The following SOX5 variants were observed in gnomAD, a reference collection of about 807,000 sequenced individuals.
The protein encoded by SOX5 is transcription factor SOX-5.
SOX5 carries 9 observed loss-of-function variants against 92.0 expected under a neutral mutation model. The ratio of observed to expected loss-of-function variants is 0.10; its 90% CI spans 0.06 to 0.17. The LOEUF (loss-of-function observed/expected upper bound fraction) is 0.17. SOX5 is among the 10% of genes least tolerant of loss of function. The pLI, the probability that SOX5 is intolerant of heterozygous loss-of-function variation, is 1.00. For missense variants in SOX5, 642 were observed against 944.5 expected (o/e 0.68, Z 4.20); for synonymous variants, 344 against 336.3 (o/e 1.02, Z -0.25).
intron 4 of SOX5, among the ~76,000 whole-genome samples, chr12:24,012,266 TG>T (rs1953034683): frequency 6.6e-6 from 1 of 152,200 alleles, no homozygotes; most frequent in Non-Finnish European, 1.5e-5. Flanking sequence ...TATGTTCCCT[TG>T]GCAAGACAGA....
chr12:24,302,489 T>C (rs1274412093), intron 2 of SOX5, among the ~76,000 whole-genome samples: 1 of 152,156 alleles, frequency 6.6e-6, no homozygotes, highest in East Asian at 1.9e-4. Context: ...ACCTTGCTTC[T>C]TGCCATACAA....
chr12:23,718,440 A>C (rs889500017), intron 6 of SOX5, among the ~76,000 whole-genome samples: 3 of 152,206 alleles, frequency 2.0e-5, no homozygotes, highest in Non-Finnish European at 2.9e-5. Flanking sequence ...GGAAAAATGG[A>C]ATCAACATCT....
At chr12:24,053,547 C>T (rs1322386868) in intron 4 of SOX5, among the ~76,000 whole-genome samples, 1 of 152,150 alleles carries the variant, frequency 6.6e-6, no homozygotes, top group East Asian at 1.9e-4. Flanking sequence ...AGATCCTTAA[C>T]TTTGCCCAAA....
intron 4 of SOX5, among the ~76,000 whole-genome samples, chr12:23,992,998 C>G (rs1184762358): frequency 2.0e-5 from 3 of 152,156 alleles, no homozygotes; most frequent in Non-Finnish European, 4.4e-5. Flanking sequence ...TCTCTGTCCC[C>G]TTCTTATCAA....
intron 4 of SOX5, among the ~76,000 whole-genome samples, chr12:24,208,220 A>G (rs1365317100): frequency 6.6e-6 from 1 of 152,108 alleles, no homozygotes; most frequent in Non-Finnish European, 1.5e-5. Context: ...ATAGCCATAC[A>G]GTTTATAAAT....
At chr12:24,532,304 C>T (rs1951268246) in intron 1 of SOX5, among the ~76,000 whole-genome samples, 1 of 152,180 alleles carries the variant, frequency 6.6e-6, no homozygotes, top group African/African-American at 2.4e-5. Flanking sequence ...TCCAATCCAG[C>T]CACTATATCT....
intron 6 of SOX5, among the ~76,000 whole-genome samples, chr12:23,723,193 G>GCT (rs1004007300): frequency 6.6e-6 from 1 of 150,536 alleles, no homozygotes; most frequent in Non-Finnish European, 1.5e-5. Flanking sequence ...ATGTTTTCTT[G>GCT]CTCTCTCTCT....
chr12:24,143,985 C>T (rs1950837276), intron 4 of SOX5, among the ~76,000 whole-genome samples: 1 of 151,428 alleles, frequency 6.6e-6, no homozygotes, highest in African/African-American at 2.4e-5. Context: ...CTTAAAAAGA[C>T]AAGACCCCAA....
chr12:24,114,573 C>CAAAAAAAAAAAAAAAAAAAAAA (rs55913110), intron 4 of SOX5, among the ~76,000 whole-genome samples: 12 of 40,596 alleles, frequency 3.0e-4, no homozygotes, highest in African/African-American at 4.7e-4. Flanking sequence ...CACCCCGTCA[C>CAAAAAAAAAAAAAAAAAAAAAA]AAAAAAAAAA....
At chr12:23,723,573 T>TATAC in intron 6 of SOX5, among the ~76,000 whole-genome samples, 1 of 148,150 alleles carries the variant, frequency 6.7e-6, no homozygotes, top group East Asian at 2.0e-4. Context: ...AAATTATATA[T>TATAC]ATATATATAC....
intron 3 of SOX5, among the ~76,000 whole-genome samples, chr12:24,221,451 T>G (rs1367258866): frequency 2.0e-5 from 3 of 152,238 alleles, no homozygotes. Flanking sequence ...AATGTATTCA[T>G]GAGAACATGT....
At chr12:24,272,250 A>C (rs1943856753) in intron 3 of SOX5, among the ~76,000 whole-genome samples, 1 of 152,170 alleles carries the variant, frequency 6.6e-6, no homozygotes, top group Admixed American at 6.5e-5. Flanking sequence ...TATATAGAAA[A>C]ACTGTACATT....
chr12:23,621,832 G>A (rs2077216602), intron 8 of SOX5, among the ~76,000 whole-genome samples: 1 of 151,972 alleles, frequency 6.6e-6, no homozygotes, highest in Non-Finnish European at 1.5e-5. Flanking sequence ...CAAAAACCAC[G>A]GCATTTGCTA....
chr12:23,955,735 T>A (rs914206990), upstream of SOX5, among the ~76,000 whole-genome samples: 1 of 151,106 alleles, frequency 6.6e-6, no homozygotes, highest in African/African-American at 2.4e-5. Flanking sequence ...AATCGGAAGG[T>A]TTCTTTTGAG....
intron 3 of SOX5, among the ~76,000 whole-genome samples, chr12:23,778,164 T>C (rs2095167156): frequency 6.6e-6 from 1 of 152,230 alleles, no homozygotes; most frequent in South Asian, 2.1e-4. Context: ...TAAATGTGAC[T>C]CCGTTGTATT....
intron 4 of SOX5, among the ~76,000 whole-genome samples, chr12:24,061,607 C>A (rs747825873): frequency 6.6e-6 from 1 of 152,102 alleles, no homozygotes; most frequent in Non-Finnish European, 1.5e-5. Flanking sequence ...GGGCATCACA[C>A]AAAAGCTAAG....
At chr12:24,255,474 T>G (rs1211536435) in intron 3 of SOX5, among the ~76,000 whole-genome samples, 1 of 152,144 alleles carries the variant, frequency 6.6e-6, no homozygotes, top group East Asian at 1.9e-4. Context: ...TTACCCCAAT[T>G]CCAAAACAGT....
At chr12:24,118,279 C>T (rs1265313276) in intron 4 of SOX5, among the ~76,000 whole-genome samples, 3 of 152,104 alleles carry the variant, frequency 2.0e-5, no homozygotes, top group Non-Finnish European at 4.4e-5. Flanking sequence ...CATGATAAGT[C>T]GGTGAGGTGA....
intron 4 of SOX5, among the ~76,000 whole-genome samples, chr12:24,120,924 A>G (rs938516281): frequency 6.6e-6 from 1 of 152,218 alleles, no homozygotes; most frequent in Non-Finnish European, 1.5e-5. Context: ...AATAAATGAG[A>G]AAAATTTACA....
Sources: gnomAD v4.1 joint callset for allele counts (sites outside exome capture counted in the v4.1 genomes callset) on GRCh38, gnomAD v4.1.1 for gene constraint, MANE v1.5 for transcripts, NCBI Gene and HGNC (gene_info 2026-07-23, HGNC 2026-07-21) for gene names.